The following FHAD1 variants were observed in gnomAD, a reference collection of about 807,000 sequenced individuals.
FHAD1 encodes forkhead associated phosphopeptide binding domain 1, also known as forkhead-associated domain-containing protein 1.
A neutral mutation model predicts 191.3 loss-of-function variants in FHAD1; 146 were observed. That is an observed-to-expected ratio of 0.76 (90% CI 0.67 to 0.88). The LOEUF (loss-of-function observed/expected upper bound fraction) is 0.88. Among genes scored for constraint, FHAD1 ranks in the 40% least tolerant of loss-of-function variants. The pLI, the probability that FHAD1 is intolerant of heterozygous loss-of-function variation, is 0.00. For synonymous variants in FHAD1, 616 were observed against 672.3 expected, an observed-to-expected ratio of 0.92 and a Z score of 1.29; for missense variants, 1,635 against 1,785.8, an observed-to-expected ratio of 0.92 and a Z score of 1.52.
chr1:15,362,489 C>T (rs943174742), intron 22 of FHAD1, among the ~76,000 whole-genome samples, 153 bp from the exon 23 acceptor site: 16 of 152,236 alleles, frequency 1.1e-4, no homozygotes, highest in African/African-American at 4.8e-5. Context: ...GGAGAGCCCC[C>T]AGCCTGTGAC....
downstream of FHAD1, among the ~76,000 whole-genome samples, chr1:15,401,890 T>G (rs1570747195): frequency 6.6e-6 from 1 of 152,354 alleles, no homozygotes; most frequent in East Asian, 1.9e-4. Flanking sequence ...CAGGTTATTT[T>G]GGGCCAATTC....
At chr1:15,345,243 G>A (rs1420506350) in intron 17 of FHAD1, 53 bp downstream of exon 17, 1 of 1,473,164 alleles carries the variant, frequency 6.8e-7, no homozygotes, top group Non-Finnish European at 9.3e-7. Context: ...AGCTAGGAAG[G>A]GTGGATCTGG....
In FHAD1 at chr1:15,374,549, CG is replaced by C. The variant is rs1699018838; in HGVS notation, c.3496del (p.Glu1166ArgfsTer38). 6.4e-7 allele frequency: 1 copy of C among 1,551,716 alleles called. No individual in the cohort carries two copies. The highest frequency in any genetic ancestry group is 8.7e-7 in the Non-Finnish European group (1 of 1,146,998). ...LGVRCKGSRHEEVIQRQKKAL... is the reference protein window; with the variant it reads ...LGVRCKGSRHXEVIQRQKKAL... ...GGGTCAGGTGCAAAGGGTCCCGGCA[CG>C]AGGAGGTCATTCAGCGTCAGAAAAA... On this transcript the variant is annotated frameshift_variant, in exon 27 of 34. Transcript: ENST00000688493. LOFTEE classifies it high-confidence loss of function.
At chr1:15,392,364 T>C (rs530024617) in intron 33 of FHAD1, among the ~76,000 whole-genome samples, 2,284 of 151,996 alleles carry the variant, frequency 0.015, 22 homozygotes, top group Non-Finnish European at 0.024. Context: ...AACCCCGTCT[T>C]TACTAAAAAT....
chr1:15,345,581 G>T, intron 18 of FHAD1, 58 bp downstream of exon 18: 1 of 1,375,596 alleles, frequency 7.3e-7, no homozygotes, highest in South Asian at 1.2e-5. Context: ...CCATGTGGAA[G>T]GAAGTTCAGA....
rs996048892 is a variant in FHAD1 at position 15,276,646 on chromosome 1, C to CA, written c.300+4123dup. On this transcript the variant is annotated intron_variant, in intron 3 of 33. Transcript: ENST00000688493. This position sits in a 1 kb window ranked among gnomAD's most constrained non-coding sequence, Gnocchi z 4.7. ...TGAAACCCCATGTCTACCCAAAACA[C>CA]AAAAAATTAGCCAGGCGTGGTGGCA... Among the ~76,000 whole-genome samples, 5 of 152,086 alleles carry CA rather than the reference C, an allele frequency of 3.3e-5. No homozygotes were observed. Among genetic ancestry groups the CA allele is most frequent in the African/African-American group, 9.7e-5 (4 of 41,410 alleles).
At chr1:15,374,929 C>A (rs1202592414) in intron 27 of FHAD1, among the ~76,000 whole-genome samples, 2 of 148,190 alleles carry the variant, frequency 1.3e-5, no homozygotes, top group East Asian at 4.0e-4. Context: ...TGCATTCTTG[C>A]CTCACTGCAA....
chr1:15,254,356 C>A (rs2100837624), intron 2 of FHAD1, among the ~76,000 whole-genome samples: 1 of 152,264 alleles, frequency 6.6e-6, no homozygotes, highest in South Asian at 2.1e-4. Flanking sequence ...ATACTGAGCT[C>A]ATTTTCTCCA....
intron 17 of FHAD1, 76 bp downstream of exon 17, chr1:15,345,266 G>A (rs1688418323): frequency 2.1e-6 from 3 of 1,399,812 alleles, no homozygotes; most frequent in Non-Finnish European, 2.0e-6. Flanking sequence ...CTCTGGTCTG[G>A]GCCCGCCGGC....
chr1:15,333,186 T>C (rs1284332101), intron 14 of FHAD1, among the ~76,000 whole-genome samples: 3 of 152,196 alleles, frequency 2.0e-5, no homozygotes, highest in Non-Finnish European at 1.5e-5. Context: ...TTTTCTCTTC[T>C]AATACAAGCA....
upstream of FHAD1, among the ~76,000 whole-genome samples, chr1:15,245,340 G>T (rs753540925): frequency 3.9e-5 from 6 of 151,950 alleles, no homozygotes; most frequent in African/African-American, 1.2e-4. Context: ...TGCTTTTGTT[G>T]TTCTTATTTT....
chr1:15,242,909 C>T (rs1345937381), upstream of FHAD1, among the ~76,000 whole-genome samples: 4 of 152,154 alleles, frequency 2.6e-5, no homozygotes, highest in East Asian at 7.7e-4. Flanking sequence ...CCATTTAATC[C>T]TTTCAATAAA....
At chr1:15,385,179 AAC>A (rs1263780230) in intron 31 of FHAD1, among the ~76,000 whole-genome samples, 1 of 151,974 alleles carries the variant, frequency 6.6e-6, no homozygotes, top group African/African-American at 2.4e-5. Context: ...CATCAGAGAA[AAC>A]AGTTTTTTTT....
At chr1:15,280,956 C>T (rs1035528867) in intron 3 of FHAD1, among the ~76,000 whole-genome samples, 5 of 152,186 alleles carry the variant, frequency 3.3e-5, no homozygotes, top group Admixed American at 6.5e-5. Flanking sequence ...TTGAATAGCT[C>T]AAAGGGACCT....
rs1381338427 is a variant in FHAD1 at position 15,397,368 on chromosome 1, G to A, written c.4395G>A (p.Lys1465=). The change falls in exon 34 of 34, where the codon AAG becomes AAA. Residue 1465 remains lysine (K), a synonymous_variant. Coordinates refer to ENST00000688493, the MANE Select transcript of FHAD1 (RefSeq NM_001391957.1). The part of the protein sequence containing the change: ...REMLRKETSS[K]SSQSLLHSKP... ...TGCTGAGGAAAGAGACCTCCAGCAA[G>A]TCCAGCCAGAGCCTTTTGCATTCTA... The A allele has an allele frequency of 1.9e-6, 3 of 1,547,174 alleles. No individual in the cohort carries two copies. The highest frequency in any genetic ancestry group is 2.0e-5 in the Admixed American group (1 of 50,888).
chr1:15,383,209 T>C (rs892046621), intron 31 of FHAD1: 4 of 471,266 alleles, frequency 8.5e-6, no homozygotes, highest in African/African-American at 2.0e-5. Context: ...GATGAAAGAA[T>C]GCAGGCATCC....
rs1431515142 is a variant in FHAD1 at position 15,362,635 on chromosome 1, G to A, written c.2963-7G>A. On this transcript the variant is annotated splice_region_variant and splice_polypyrimidine_tract_variant and intron_variant, in intron 22 of 33. Transcript: ENST00000688493. Reference sequence around the variant, plus strand: ...TCTCACAATGATCACATGTCCCTCTGATACAGCCCCAAAGGAGGAAAGGCC... The same window carrying A: ...TCTCACAATGATCACATGTCCCTCTAATACAGCCCCAAAGGAGGAAAGGCC... 6.4e-7 allele frequency: 1 copy of A among 1,551,028 alleles called. No homozygotes were observed. Among genetic ancestry groups the A allele is most frequent in the Non-Finnish European group, 8.7e-7 (1 of 1,146,316 alleles).
rs184393312 is a variant in FHAD1 at position 15,306,925 on chromosome 1, G to A, written c.916-1688G>A. 3.0e-3 allele frequency among the ~76,000 whole-genome samples: 461 copies of A among 152,334 alleles called. 3 individuals are homozygous for A. The highest frequency in any genetic ancestry group is 0.011 in the African/African-American group (442 of 41,580). On this transcript the variant is annotated intron_variant, in intron 6 of 33. Coordinates refer to ENST00000688493, the MANE Select transcript of FHAD1 (RefSeq NM_001391957.1). ...TACTGGGGCATTGCCTAGTGGAGCT[G>A]TGAGAAGAGGGCCCCCGTCCTCCAG...
At position 15,289,670 on chromosome 1, in the gene FHAD1, T is replaced by C; in HGVS notation, c.568+4T>C. ...AAGCCACCCGTCATCAAGCAAGGTA[T>C]GCGTCAGGGCTGCCATTGGTGGCTT... On this transcript the variant is annotated splice_donor_region_variant and intron_variant, in intron 4 of 33. Coordinates refer to ENST00000688493, the MANE Select transcript of FHAD1 (RefSeq NM_001391957.1). This position sits in a 1 kb window ranked among gnomAD's most constrained non-coding sequence, Gnocchi z 4.2. The C allele has an allele frequency of 6.5e-7, 1 of 1,545,108 alleles. No individual in the cohort carries two copies. The highest frequency in any genetic ancestry group is 8.8e-7 in the Non-Finnish European group (1 of 1,141,754).
Sources: gnomAD v4.1 joint callset for allele counts (sites outside exome capture counted in the v4.1 genomes callset) on GRCh38, gnomAD v4.1.1 for gene constraint, Gnocchi (gnomAD v3.1) non-coding constraint, MANE v1.5 for transcripts, NCBI Gene and HGNC (gene_info 2026-07-23, HGNC 2026-07-21) for gene names.